RNF6: variants seen among roughly 807,000 people sequenced by gnomAD.
The protein encoded by RNF6 is E3 ubiquitin-protein ligase RNF6.
In RNF6, 21 loss-of-function variants were observed where a neutral mutation model predicts 50.1. That is an observed-to-expected ratio of 0.42 (90% confidence interval 0.30 to 0.60). RNF6 has a LOEUF of 0.60. Ranked by LOEUF, RNF6 falls within the 20% of genes least tolerant of loss-of-function variation. The probability of loss-of-function intolerance (pLI) is 0.20; values close to 1 mark genes in which losing one functional copy is unlikely to be tolerated. For synonymous variants in RNF6, 255 were observed against 291.8 expected, an observed-to-expected ratio of 0.87 and a Z score of 1.29; for missense variants, 698 against 838.2, an observed-to-expected ratio of 0.83 and a Z score of 2.07.
At chr13:26,209,928 T>C (rs767311608), downstream of RNF6, among the ~76,000 whole-genome samples, 3 of 152,176 alleles carry the variant, frequency 2.0e-5, no homozygotes, top group African/African-American at 2.4e-5. Context: ...AAAAAATATA[T>C]AGGGGCCAAC....
chr13:26,176,229 T>G (rs1872951249), intron 5 of RNF6, among the ~76,000 whole-genome samples: 1 of 152,228 alleles, frequency 6.6e-6, no homozygotes, highest in Non-Finnish European at 1.5e-5. Flanking sequence ...AGGGAATTTG[T>G]CTTCAGTCTT....
chr13:26,138,719 G>A (rs1870776779), intron 5 of RNF6, among the ~76,000 whole-genome samples: 1 of 152,100 alleles, frequency 6.6e-6, no homozygotes, highest in South Asian at 2.1e-4. Flanking sequence ...TAATCCCCAA[G>A]CCAACCACTA....
At chr13:26,188,485 A>C (rs1222459245) in intron 5 of RNF6, among the ~76,000 whole-genome samples, 1 of 152,140 alleles carries the variant, frequency 6.6e-6, no homozygotes, top group Non-Finnish European at 1.5e-5. Flanking sequence ...TTCCAAAACA[A>C]ATATAACCAA....
At chr13:26,165,787 A>T (rs1475239966) in intron 5 of RNF6, among the ~76,000 whole-genome samples, 1 of 152,188 alleles carries the variant, frequency 6.6e-6, no homozygotes. Flanking sequence ...CCCAATGCCT[A>T]TACTCCCATT....
intron 5 of RNF6, among the ~76,000 whole-genome samples, chr13:26,164,720 A>T (rs1168115149): frequency 6.6e-6 from 1 of 152,016 alleles, no homozygotes. Context: ...TATTTGTTTC[A>T]TTCCTTTTAC....
chr13:26,219,681 A>G lies in RNF6; in HGVS notation c.-18-14T>C. The G allele has an allele frequency of 6.2e-7, 1 of 1,602,824 alleles. No homozygotes were observed. Among genetic ancestry groups the G allele is most frequent in the South Asian group, 1.1e-5 (1 of 90,002 alleles). Reference sequence around the variant, plus strand: ...ATTCCTGGCTTTCTGTTCAAACAATATAAACAACATTCAAGGTGTTAAGTC... The same window carrying G: ...ATTCCTGGCTTTCTGTTCAAACAATGTAAACAACATTCAAGGTGTTAAGTC... On this transcript the variant is annotated splice_polypyrimidine_tract_variant and intron_variant, in intron 2 of 4. Transcript: ENST00000381588.
At chr13:26,206,999 G>A (rs967137081) in intron 5 of RNF6, among the ~76,000 whole-genome samples, 14 of 152,038 alleles carry the variant, frequency 9.2e-5, no homozygotes, top group Non-Finnish European at 2.9e-5. Context: ...CTCTTGGTAT[G>A]TGACTGGTTT....
At chr13:26,144,005 C>T (rs563588773) in intron 5 of RNF6, among the ~76,000 whole-genome samples, 2 of 152,252 alleles carry the variant, frequency 1.3e-5, no homozygotes, top group East Asian at 1.9e-4. Context: ...AAATGCTGCC[C>T]CTTCCATAAT....
chr13:26,210,553 A>G (rs1367696557), downstream of RNF6, among the ~76,000 whole-genome samples: 4 of 152,222 alleles, frequency 2.6e-5, no homozygotes, highest in Non-Finnish European at 5.9e-5. Flanking sequence ...GTATTTGCCT[A>G]TGGAAATTAG....
rs1869614856 is a variant in RNF6 at position 26,214,471 on chromosome 13, C to A, written c.1411G>T (p.Glu471Ter). The A allele has an allele frequency of 6.2e-7, 1 of 1,614,064 alleles. No individual in the cohort carries two copies. The highest frequency in any genetic ancestry group is 8.5e-7 in the Non-Finnish European group (1 of 1,180,044). ...TVPLRRISENELVEPSSVALR... is the reference protein window; with the variant it reads ...TVPLRRISEN ...GCCACTGATGATGGCTCAACAAGCT[C>A]ATTCTCAGAAATCCTACGAAGAGGA... is the stretch of plus-strand genomic sequence containing the variant. The change falls in exon 5 of 5, where the codon GAG becomes TAG. Residue 471 changes from glutamate (E) to a stop codon, truncating the protein, a stop_gained. Coordinates refer to ENST00000381588, the MANE Select transcript of RNF6 (RefSeq NM_005977.4). LOFTEE classifies it high-confidence loss of function.
chr13:26,212,140 T>C (rs1032170428), downstream of RNF6, among the ~76,000 whole-genome samples: 2 of 152,202 alleles, frequency 1.3e-5, no homozygotes, highest in African/African-American at 4.8e-5. Context: ...CATTCCATTG[T>C]GTTCTATATG....
intron 5 of RNF6, among the ~76,000 whole-genome samples, chr13:26,136,939 A>C (rs1318822496): frequency 1.3e-5 from 2 of 152,192 alleles, no homozygotes; most frequent in African/African-American, 4.8e-5. Context: ...GAATCTTGGT[A>C]AGAGCTGTGA....
chr13:26,164,001 A>G (rs148647914), intron 5 of RNF6, among the ~76,000 whole-genome samples: 3,251 of 152,338 alleles, frequency 0.021, 50 homozygotes, highest in Middle Eastern at 0.034. Context: ...AGCTGTCACA[A>G]AAATAGGATA....
intron 5 of RNF6, among the ~76,000 whole-genome samples, chr13:26,138,092 T>C (rs1297865584): frequency 6.6e-6 from 1 of 152,058 alleles, no homozygotes; most frequent in East Asian, 1.9e-4. Flanking sequence ...GCCAAGAGAA[T>C]CTTGAAAGCA....
chr13:26,170,421 G>A (rs1872643470), intron 5 of RNF6, among the ~76,000 whole-genome samples: 1 of 152,220 alleles, frequency 6.6e-6, no homozygotes, highest in South Asian at 2.1e-4. Flanking sequence ...ATCCTTGGGT[G>A]AAGGAATTTT....
At chr13:26,151,891 G>T (rs930651642) in intron 5 of RNF6, among the ~76,000 whole-genome samples, 3 of 152,174 alleles carry the variant, frequency 2.0e-5, no homozygotes, top group African/African-American at 7.2e-5. Context: ...CTGGGGTGCA[G>T]CTCCAAGCTG....
chr13:26,196,891 T>C (rs2164453), intron 5 of RNF6, among the ~76,000 whole-genome samples: 70,888 of 151,734 alleles, frequency 0.47, 19,782 homozygotes, highest in East Asian at 0.69. Context: ...CATTATAAGG[T>C]GAGTGTATAA....
chr13:26,137,112 A>T (rs750737334), intron 5 of RNF6, among the ~76,000 whole-genome samples: 1 of 152,144 alleles, frequency 6.6e-6, no homozygotes, highest in Non-Finnish European at 1.5e-5. Flanking sequence ...GATCTGTTTG[A>T]TGGTTCTCTA....
rs193107729 is a variant in RNF6 at position 26,159,216 on chromosome 13, A to G, written n.769-26765T>C. On this transcript the variant is annotated intron_variant and non_coding_transcript_variant, in intron 5 of 5. Transcript: ENST00000468480. ...AGGGACATTATATTGCCTTTGAGCC[A>G]AAATGTTCACAAAATTTTAAATAGA... Among the ~76,000 whole-genome samples, 198 of 152,348 alleles carry G rather than the reference A, an allele frequency of 1.3e-3. No individual in the cohort carries two copies. The Middle Eastern group carries it at 0.014, about 10-fold the overall frequency.
Sources: gnomAD v4.1 joint callset for allele counts (sites outside exome capture counted in the v4.1 genomes callset) on GRCh38, gnomAD v4.1.1 for gene constraint, MANE v1.5 for transcripts, NCBI Gene and HGNC (gene_info 2026-07-23, HGNC 2026-07-21) for gene names.